SNX7: variants seen among roughly 807,000 people sequenced by gnomAD.
The protein encoded by SNX7 is sorting nexin-7.
A neutral mutation model predicts 48.4 loss-of-function variants in SNX7; 35 were observed. The observed-to-expected ratio is 0.72, with a 90% confidence interval of 0.55 to 0.96. The LOEUF (loss-of-function observed/expected upper bound fraction) is 0.96, where lower values mean the gene tolerates loss of function less well. SNX7 is among the 40% of genes least tolerant of loss of function. The pLI is 0.00. For missense variants in SNX7, 553 were observed against 548.9 expected, an observed-to-expected ratio of 1.01 and a Z score of -0.07; for synonymous variants, 190 against 190.2, an observed-to-expected ratio of 1.00 and a Z score of 0.01.
At chr1:98,709,563 A>G (rs1182779611) in intron 7 of SNX7, among the ~76,000 whole-genome samples, 1 of 152,328 alleles carries the variant, frequency 6.6e-6, no homozygotes, top group African/African-American at 2.4e-5. Context: ...TCTATTTATG[A>G]TAAACATCAA....
chr1:98,736,997 A>C (rs1195927965), intron 7 of SNX7, among the ~76,000 whole-genome samples: 3 of 151,918 alleles, frequency 2.0e-5, no homozygotes, highest in Non-Finnish European at 4.4e-5. Flanking sequence ...AAATCCAAGA[A>C]CCTTACCATA....
At chr1:98,753,413 T>A (rs1329182213) in intron 8 of SNX7, among the ~76,000 whole-genome samples, 1 of 152,080 alleles carries the variant, frequency 6.6e-6, no homozygotes, top group Non-Finnish European at 1.5e-5. Flanking sequence ...ATATCTTAGA[T>A]CTTTATTAAA....
At chr1:98,760,010 G>C (rs919202848) in intron 8 of SNX7, 44 bp from the exon 9 acceptor site, 2 of 1,274,406 alleles carry the variant, frequency 1.6e-6, no homozygotes, top group Non-Finnish European at 1.1e-6. Context: ...AACACTGAAA[G>C]TAAACTATTG....
At chr1:98,684,093 G>C (rs1469030583) in intron 1 of SNX7, among the ~76,000 whole-genome samples, 1 of 152,086 alleles carries the variant, frequency 6.6e-6, no homozygotes, top group Non-Finnish European at 1.5e-5. Context: ...TCCAATTCTT[G>C]AACCTTTCTG....
At chr1:98,687,146 A>G (rs1391629566) in intron 2 of SNX7, among the ~76,000 whole-genome samples, 3 of 152,196 alleles carry the variant, frequency 2.0e-5, no homozygotes, top group African/African-American at 7.2e-5. Flanking sequence ...TTAGGCTCAC[A>G]GTAATCCTCA....
rs565262147 is a variant in SNX7, at chr1:98,760,214, T to C, written c.*83T>C. ...TCTTTCTGGATCTGCCGTGTCCTTA[T>C]AAAGTGGATGAAAAATGTTTTGTAC... On this transcript the variant is annotated 3_prime_UTR_variant, in exon 9 of 9. Transcript: ENST00000306121. 34 of 1,097,096 alleles carry C rather than the reference T, an allele frequency of 3.1e-5. No homozygotes were observed. In the East Asian group the frequency reaches 4.1e-4, roughly 13 times the overall value. 68.0% of individuals were successfully genotyped at this position (1,097,096 alleles called of 1,614,324 possible).
At chr1:98,747,136 AAAG>A (rs1557837116) in intron 8 of SNX7, among the ~76,000 whole-genome samples, 1 of 152,164 alleles carries the variant, frequency 6.6e-6, no homozygotes, top group African/African-American at 2.4e-5. Flanking sequence ...TTTATTTACT[AAAG>A]AAGTTCTCAG....
At chr1:98,743,308 T>A (rs1166573052) in intron 8 of SNX7, among the ~76,000 whole-genome samples, 1 of 151,914 alleles carries the variant, frequency 6.6e-6, no homozygotes, top group Non-Finnish European at 1.5e-5. Flanking sequence ...TATAAAAATA[T>A]TTATTCATTT....
Position 98,740,313 on chromosome 1 carries a change from A to G in SNX7, c.1278+1924A>G, listed in dbSNP as rs541374012. Reference sequence around the variant, plus strand: ...ACAGAACTAACCTTACCTCTCCTTTATAGTAGAACTTGTCTACGCTTACAT... The same window carrying G: ...ACAGAACTAACCTTACCTCTCCTTTGTAGTAGAACTTGTCTACGCTTACAT... On this transcript the variant is annotated intron_variant, in intron 8 of 8. Coordinates refer to ENST00000306121, the MANE Select transcript of SNX7 (RefSeq NM_015976.5). Among the ~76,000 whole-genome samples, 21 of 152,324 alleles carry G rather than the reference A, an allele frequency of 1.4e-4. No homozygotes were observed. In the South Asian group the frequency reaches 4.3e-3, roughly 32 times the overall value.
chr1:98,719,804 A>G (rs1368389268), intron 7 of SNX7, among the ~76,000 whole-genome samples: 2 of 150,510 alleles, frequency 1.3e-5, no homozygotes, highest in African/African-American at 4.9e-5. Context: ...CTTTTTTACA[A>G]TAGAATCTTT....
chr1:98,710,695 G>T (rs1468689194), intron 7 of SNX7, among the ~76,000 whole-genome samples: 1 of 152,050 alleles, frequency 6.6e-6, no homozygotes, highest in Non-Finnish European at 1.5e-5. Context: ...ATGTCCTAAG[G>T]TTCTGTCTTA....
chr1:98,701,865 G>A lies in SNX7; in HGVS notation c.1087G>A (p.Val363Ile). The change falls in exon 7 of 9, where the codon GTT (valine) becomes ATT (isoleucine). Residue 363 changes from valine to isoleucine, a missense_variant. Physicochemically the swap from Val to Ile is conservative, Grantham distance 29. Coordinates refer to ENST00000306121, the MANE Select transcript of SNX7 (RefSeq NM_015976.5). Reference sequence around the variant, plus strand: ...AATACAAGCAGAACTGGATTCCAAAGTTGAAGTTTTGACCTATAAAAAGGC... The same window carrying A: ...AATACAAGCAGAACTGGATTCCAAAATTGAAGTTTTGACCTATAAAAAGGC... The part of the protein sequence containing the change: ...DQIQAELDSK[V>I]EVLTYKKADT... The A allele has an allele frequency of 6.2e-7, 1 of 1,611,348 alleles. No individual in the cohort carries two copies. Among genetic ancestry groups the A allele is most frequent in the South Asian group, 1.1e-5 (1 of 90,742 alleles).
intron 1 of SNX7, among the ~76,000 whole-genome samples, chr1:98,677,057 A>T (rs1166271816): frequency 2.6e-5 from 4 of 152,234 alleles, no homozygotes; most frequent in South Asian, 2.1e-4. Flanking sequence ...CAACATCTGT[A>T]TCACTACTTT....
intron 7 of SNX7, among the ~76,000 whole-genome samples, chr1:98,714,334 AT>A (rs763234307): frequency 4.6e-4 from 70 of 152,246 alleles, no homozygotes; most frequent in African/African-American, 1.7e-3. Flanking sequence ...ATAGGTAGTA[AT>A]TTGTTCCCAT....
chr1:98,717,183 G>GATA (rs1041912174), intron 7 of SNX7, among the ~76,000 whole-genome samples: 2 of 151,926 alleles, frequency 1.3e-5, no homozygotes, highest in Non-Finnish European at 2.9e-5. Context: ...ACTAATTGAT[G>GATA]ATAATAATAA....
At chr1:98,683,737 AAC>A (rs1341297429) in intron 1 of SNX7, among the ~76,000 whole-genome samples, 1 of 152,306 alleles carries the variant, frequency 6.6e-6, no homozygotes, top group East Asian at 1.9e-4. Context: ...TTTCTTTAAT[AAC>A]AGCCTGAATG....
At chr1:98,744,796 G>C (rs1409074003) in intron 8 of SNX7, among the ~76,000 whole-genome samples, 1 of 151,988 alleles carries the variant, frequency 6.6e-6, no homozygotes, top group Non-Finnish European at 1.5e-5. Flanking sequence ...GGTATCTTCT[G>C]TTTTTCAGTG....
intron 8 of SNX7, among the ~76,000 whole-genome samples, chr1:98,758,017 A>G (rs1654936538): frequency 6.6e-6 from 1 of 151,958 alleles, no homozygotes; most frequent in African/African-American, 2.4e-5. Context: ...CAGACCCTAT[A>G]CTTGATTATA....
chr1:98,668,785 G>T (rs916201648), intron 1 of SNX7, among the ~76,000 whole-genome samples: 1 of 151,954 alleles, frequency 6.6e-6, no homozygotes, highest in Non-Finnish European at 1.5e-5. Flanking sequence ...AGGACCACTG[G>T]GTCAAAAAAT....
Sources: gnomAD v4.1 joint callset for allele counts (sites outside exome capture counted in the v4.1 genomes callset) on GRCh38, gnomAD v4.1.1 for gene constraint, MANE v1.5 for transcripts, NCBI Gene and HGNC (gene_info 2026-07-23, HGNC 2026-07-21) for gene names.